Variants in GCFC2 observed in about 807,000 individuals in gnomAD.
The protein encoded by GCFC2 is GC-rich sequence DNA-binding factor 2, also known as intron Large complex component GCFC2.
A neutral mutation model predicts 99.4 loss-of-function variants in GCFC2; 102 were observed. The observed-to-expected ratio is 1.03, with a 90% confidence interval of 0.87 to 1.21. The LOEUF is 1.21. GCFC2 is among the 50% of genes most tolerant of loss of function. The probability of loss-of-function intolerance (pLI) is 0.00; values close to 1 mark genes in which losing one functional copy is unlikely to be tolerated. For missense variants in GCFC2, 973 were observed against 920.9 expected, an observed-to-expected ratio of 1.06 and a Z score of -0.73; for synonymous variants, 338 against 316.8, an observed-to-expected ratio of 1.07 and a Z score of -0.71.
At chr2:75,689,378 GTAA>G (rs1037097150) in intron 9 of GCFC2, among the ~76,000 whole-genome samples, 153 bp from the exon 10 acceptor site, 11 of 152,006 alleles carry the variant, frequency 7.2e-5, no homozygotes, top group African/African-American at 2.7e-4. Context: ...TATCAACAAA[GTAA>G]TAATATCAAC....
At chr2:75,695,412 C>A (rs943227013) in intron 5 of GCFC2, among the ~76,000 whole-genome samples, 4 of 151,878 alleles carry the variant, frequency 2.6e-5, no homozygotes, top group African/African-American at 9.7e-5. Flanking sequence ...ACTATATGGA[C>A]AAACATGATA....
chr2:75,689,327 T>C, intron 9 of GCFC2, 102 bp from the exon 10 acceptor site: 1 of 601,894 alleles, frequency 1.7e-6, no homozygotes, highest in Non-Finnish European at 2.9e-6. Context: ...TGAGCTAAAA[T>C]TTGTCCTTTT....
In GCFC2 at chr2:75,691,869, T is replaced by C. The variant is rs1022801839; in HGVS notation, c.1144+108A>G. 7 of 540,200 alleles carry C rather than the reference T, an allele frequency of 1.3e-5. No individual in the cohort carries two copies. The African/African-American group carries it at 1.4e-4, about 10-fold the overall frequency. The allele number at this position is 540,200 out of a possible 1,614,324, so 33.5% of individuals were successfully genotyped here. The stretch of plus-strand genomic sequence containing the variant: ...TTTGGAAGTTGGTGGGTAAAGGGTT[T>C]GTGGGAAAATACATGAAAAACATGT... On this transcript the variant is annotated intron_variant, in intron 7 of 16. Coordinates refer to ENST00000321027, the MANE Select transcript of GCFC2 (RefSeq NM_003203.5).
Position 75,672,058 on chromosome 2 carries a change from C to G in GCFC2, c.1890-42G>C, listed in dbSNP as rs1679113782. On this transcript the variant is annotated intron_variant, in intron 13 of 16. Transcript: ENST00000321027. ...GAAAGAGAAGAGAAAATGCAAAGAA[C>G]TATTAGTCTTTCAGAACCAGAGTTT... The G allele has an allele frequency of 3.7e-6, 4 of 1,087,528 alleles. No homozygotes were observed. In the East Asian group the frequency reaches 1.0e-4, roughly 27 times the overall value. 67.4% of individuals were successfully genotyped at this position (1,087,528 alleles called of 1,614,324 possible).
intron 9 of GCFC2, 22 bp from the exon 10 acceptor site, chr2:75,689,247 T>G (rs764188512): frequency 5.2e-6 from 7 of 1,350,702 alleles, no homozygotes; most frequent in Non-Finnish European, 7.4e-6. Flanking sequence ...ATAAGTCTCT[T>G]TATGCATTTT....
At chr2:75,704,221 T>C (rs566257930) in intron 2 of GCFC2, among the ~76,000 whole-genome samples, 29 of 152,356 alleles carry the variant, frequency 1.9e-4, no homozygotes, top group African/African-American at 6.7e-4. Flanking sequence ...TCCTATCTGA[T>C]ATGCAATCAT....
At chr2:75,679,624 A>G (rs904861068) in intron 12 of GCFC2, among the ~76,000 whole-genome samples, 5 of 152,240 alleles carry the variant, frequency 3.3e-5, no homozygotes, top group African/African-American at 9.6e-5. Context: ...AGTTAATACA[A>G]TAAGTGTCAG....
chr2:75,710,836 CT>C lies in GCFC2; in HGVS notation c.19del (p.Arg7GlyfsTer164). On this transcript the variant is annotated frameshift_variant, in exon 1 of 17. Transcript: ENST00000321027. LOFTEE classifies it high-confidence loss of function. The part of the protein sequence containing the change: MAHRPK[R>X]TFRQRAADSS... ...ATCAGCCGCGCGCTGCCGAAAAGTC[CT>C]TTTCGGCCTGTGAGCCATGGCCGAG... The C allele has an allele frequency of 5.1e-6, 8 of 1,576,046 alleles. No individual in the cohort carries two copies. Among genetic ancestry groups the C allele is most frequent in the Non-Finnish European group, 6.8e-6 (8 of 1,169,176 alleles).
chr2:75,711,186 A>T, upstream of GCFC2: 1 of 985,126 alleles, frequency 1.0e-6, no homozygotes, highest in Non-Finnish European at 1.2e-6. Context: ...TGCAAACCCC[A>T]TCCAGAAATC....
rs1680633631 is a variant in GCFC2, at chr2:75,702,273, G to A, written c.545C>T (p.Pro182Leu). The change falls in exon 3 of 17, where the codon CCT (proline) becomes CTT (leucine). Residue 182 changes from proline (P) to leucine (L), a missense_variant. Coordinates refer to ENST00000321027, the MANE Select transcript of GCFC2 (RefSeq NM_003203.5). ...TGGTATTCTCTTTTCATGGTCATCA[G>A]GCTCACTCTCAGGGTCATCTTCGCT... is the stretch of plus-strand genomic sequence containing the variant. ...RESEDDPESE[P>L]DDHEKRIPFT... 2 of 1,613,342 alleles carry A rather than the reference G, an allele frequency of 1.2e-6. No homozygotes were observed. Among genetic ancestry groups the A allele is most frequent in the Non-Finnish European group, 1.7e-6 (2 of 1,179,328 alleles).
At chr2:75,688,617 C>A (rs868713869) in intron 10 of GCFC2, among the ~76,000 whole-genome samples, 2 of 152,050 alleles carry the variant, frequency 1.3e-5, no homozygotes, top group African/African-American at 4.8e-5. Context: ...TCCTGTTTAC[C>A]CCATAAACTC....
intron 14 of GCFC2, chr2:75,670,609 C>G (rs1363806472): frequency 5.6e-6 from 1 of 179,212 alleles, no homozygotes; most frequent in African/African-American, 2.4e-5. Context: ...GACCACAGGA[C>G]CACGTGATTC....
intron 15 of GCFC2, among the ~76,000 whole-genome samples, chr2:75,667,593 T>G (rs986194399): frequency 6.6e-6 from 1 of 152,218 alleles, no homozygotes; most frequent in South Asian, 2.1e-4. Context: ...ATGTAAACTC[T>G]TTTTAAAAGT....
Position 75,671,283 on chromosome 2 carries a change from G to A in GCFC2, c.1956+667C>T, listed in dbSNP as rs560409792. Among the ~76,000 whole-genome samples the A allele has an allele frequency of 3.2e-4, 48 of 152,148 alleles. No individual in the cohort carries two copies. In the South Asian group the frequency reaches 9.8e-3, roughly 31 times the overall value. ...CTCATGCTTCATCCAGTCTCCTTAC[G>A]CAGCTTGCCATTCATGACCATGGCT... On this transcript the variant is annotated intron_variant, in intron 14 of 16. Transcript: ENST00000321027.
chr2:75,702,373 A>C lies in GCFC2; in HGVS notation c.445T>G (p.Leu149Val). 1 of 1,613,048 alleles carries C rather than the reference A, an allele frequency of 6.2e-7. No individual in the cohort carries two copies. Among genetic ancestry groups the C allele is most frequent in the Non-Finnish European group, 8.5e-7 (1 of 1,178,980 alleles). ...ATATAGTCATCTTGGGCCCTGGCCA[A>C]TTCACGTTTTCTGCGGGCTGCCTGA... ...FIQAARRKRE[L>V]ARAQDDYISL... The change falls in exon 3 of 17, where the codon TTG becomes GTG. Residue 149 changes from leucine (L) to valine (V), a missense_variant. Leu to Val is a conservative substitution (Grantham distance 32, BLOSUM62 1). Transcript: ENST00000321027.
At chr2:75,704,912 G>T (rs566068603) in intron 2 of GCFC2, among the ~76,000 whole-genome samples, 7 of 152,174 alleles carry the variant, frequency 4.6e-5, no homozygotes, top group Non-Finnish European at 1.0e-4. Flanking sequence ...CTGACCTCAG[G>T]TGATCCATCC....
intron 2 of GCFC2, among the ~76,000 whole-genome samples, chr2:75,705,560 T>C (rs549549193): frequency 6.7e-4 from 68 of 101,638 alleles, no homozygotes; most frequent in Middle Eastern, 8.3e-3. Flanking sequence ...GAGCTTGCAG[T>C]GAACCCAGAT....
Position 75,699,896 on chromosome 2 carries a change from GT to G in GCFC2, c.717+1293del, listed in dbSNP as rs541277356. On this transcript the variant is annotated intron_variant, in intron 4 of 16. Coordinates refer to ENST00000321027, the MANE Select transcript of GCFC2 (RefSeq NM_003203.5). ...CTGGCCAAATCTGGGCTTTAACGTTGTTTTTTTTTTTTTTTCTTAAATGAGA... is the reference window on the plus strand; with the variant it reads ...CTGGCCAAATCTGGGCTTTAACGTTGTTTTTTTTTTTTTTCTTAAATGAGA... Among the ~76,000 whole-genome samples, 372 of 135,784 alleles carry G rather than the reference GT, an allele frequency of 2.7e-3. 3 individuals carry two copies. Among genetic ancestry groups the G allele is most frequent in the African/African-American group, 8.1e-3 (300 of 37,120 alleles). The allele number at this position is 135,784 out of a possible 152,430, so 89.1% of individuals were successfully genotyped here.
intron 12 of GCFC2, among the ~76,000 whole-genome samples, chr2:75,677,673 C>T (rs943845481): frequency 2.0e-5 from 3 of 152,202 alleles, no homozygotes; most frequent in South Asian, 2.1e-4. Context: ...CACAGCAGAG[C>T]GGTTTCAGAA....
Sources: allele counts gnomAD v4.1 joint callset (sites outside exome capture counted in the v4.1 genomes callset), GRCh38; gene constraint gnomAD v4.1.1; transcripts MANE v1.5; gene names NCBI Gene and HGNC (gene_info 2026-07-23, HGNC 2026-07-21).